BMP7: variants seen among roughly 807,000 people sequenced by gnomAD.
BMP7 encodes the protein bone morphogenetic protein 7.
BMP7 carries 12 observed loss-of-function variants against 41.2 expected under a neutral mutation model. The observed-to-expected ratio is 0.29, with a 90% CI of 0.19 to 0.47. BMP7 has a LOEUF of 0.47. Among genes scored for constraint, BMP7 ranks in the 20% least tolerant of loss-of-function variants. The probability of loss-of-function intolerance (pLI) is 0.99; values close to 1 mark genes in which losing one functional copy is unlikely to be tolerated. For synonymous variants in BMP7, 248 were observed against 250.0 expected, an observed-to-expected ratio of 0.99 and a Z score of 0.07; for missense variants, 467 against 606.0, an observed-to-expected ratio of 0.77 and a Z score of 2.41.
chr20:57,216,530 G>GGGGGCTGTCTCCTGAGGGCGA (rs1431973504), intron 2 of BMP7, among the ~76,000 whole-genome samples: 39 of 148,074 alleles, frequency 2.6e-4, no homozygotes, highest in Non-Finnish European at 4.7e-4. Context: ...CTGAGGGCGA[G>GGGGGCTGTCTCCTGAGGGCGA]GGGGCTGTCT....
chr20:57,184,305 C>T (rs1281429219), intron 3 of BMP7, among the ~76,000 whole-genome samples: 1 of 152,134 alleles, frequency 6.6e-6, no homozygotes, highest in Non-Finnish European at 1.5e-5. Flanking sequence ...AATCTTGCTC[C>T]GTGCCAGGGA....
intron 2 of BMP7, among the ~76,000 whole-genome samples, chr20:57,222,963 G>A (rs963607527): frequency 1.3e-5 from 2 of 151,924 alleles, no homozygotes; most frequent in Non-Finnish European, 2.9e-5. Flanking sequence ...TACACTTTGG[G>A]CTCAGTCTCA....
chr20:57,204,299 C>T (rs1984686934), intron 2 of BMP7, among the ~76,000 whole-genome samples: 2 of 152,238 alleles, frequency 1.3e-5, no homozygotes, highest in Admixed American at 1.3e-4. Flanking sequence ...TGCAGACAGC[C>T]ACCGCTATTT....
chr20:57,175,158 G>C, intron 4 of BMP7, 151 bp from the exon 5 acceptor site: 1 of 828,292 alleles, frequency 1.2e-6, no homozygotes, highest in Non-Finnish European at 2.0e-6. Flanking sequence ...GCCAGTTCGA[G>C]GGTCTAACTG....
At chr20:57,220,632 G>T (rs116555287) in intron 2 of BMP7, among the ~76,000 whole-genome samples, 1 of 152,074 alleles carries the variant, frequency 6.6e-6, no homozygotes, top group Non-Finnish European at 1.5e-5. Flanking sequence ...CCAGGCTGCC[G>T]CACACACGCT....
At chr20:57,201,450 G>A (rs1454719619) in intron 3 of BMP7, among the ~76,000 whole-genome samples, 1 of 152,102 alleles carries the variant, frequency 6.6e-6, no homozygotes, top group African/African-American at 2.4e-5. Context: ...TTATGGGAGA[G>A]GGGAAAAACA....
chr20:57,252,346 C>T (rs1391743367), intron 1 of BMP7, among the ~76,000 whole-genome samples: 1 of 152,212 alleles, frequency 6.6e-6, no homozygotes, highest in African/African-American at 2.4e-5. Flanking sequence ...AAGCAGGTCT[C>T]CCTGCTCCAA....
In BMP7 at chr20:57,215,200, C is replaced by T. The variant is rs1984983724; in HGVS notation, c.612-12577G>A. 6.6e-6 allele frequency among the ~76,000 whole-genome samples: 1 copy of T among 152,174 alleles called. No individual in the cohort carries two copies. Among genetic ancestry groups the T allele is most frequent in the South Asian group, 2.1e-4 (1 of 4,828 alleles). On this transcript the variant is annotated intron_variant, in intron 2 of 6. Coordinates refer to ENST00000395863, the MANE Select transcript of BMP7 (RefSeq NM_001719.3). This position sits in a 1 kb window ranked among gnomAD's most constrained non-coding sequence, Gnocchi z 4.2. ...CCTCCATACCCCCCACCTTCACAGG[C>T]CTGGCTATGGAACCAGGGGGCTGTC...
intron 1 of BMP7, among the ~76,000 whole-genome samples, chr20:57,258,889 A>C (rs2066143911): frequency 1.3e-5 from 2 of 152,236 alleles, no homozygotes; most frequent in African/African-American, 4.8e-5. Context: ...TCATCTGGCC[A>C]ACACAATAAA....
chr20:57,250,538 CAAA>C (rs57036984), intron 1 of BMP7, among the ~76,000 whole-genome samples: 36 of 89,516 alleles, frequency 4.0e-4, no homozygotes, highest in African/African-American at 8.9e-4. Flanking sequence ...GACTCTGACT[CAAA>C]AAAAAAAAAA....
At chr20:57,187,858 T>C (rs1984254056) in intron 3 of BMP7, among the ~76,000 whole-genome samples, 1 of 152,164 alleles carries the variant, frequency 6.6e-6, no homozygotes, top group African/African-American at 2.4e-5. Flanking sequence ...GGGAGCATGG[T>C]GCCAGCCATC....
At chr20:57,203,555 G>A (rs1034304191) in intron 2 of BMP7, among the ~76,000 whole-genome samples, 4 of 152,094 alleles carry the variant, frequency 2.6e-5, no homozygotes, top group African/African-American at 9.7e-5. Flanking sequence ...ATGGGTGGAT[G>A]GATGGATGAA....
At chr20:57,184,409 G>C (rs991257876) in intron 3 of BMP7, among the ~76,000 whole-genome samples, 1 of 152,180 alleles carries the variant, frequency 6.6e-6, no homozygotes, top group East Asian at 1.9e-4. Context: ...ATGGATGTTT[G>C]GGAAGAGTGC....
At chr20:57,205,158 T>TTTGC (rs1984702994) in intron 2 of BMP7, among the ~76,000 whole-genome samples, 2 of 152,050 alleles carry the variant, frequency 1.3e-5, no homozygotes, top group African/African-American at 4.8e-5. Context: ...TGTTTGTTTG[T>TTTGC]TTGTTTTTAA....
In BMP7 at chr20:57,265,626, AT is replaced by A. The variant is rs1288085790; in HGVS notation, c.418+78del. On this transcript the variant is annotated intron_variant, in intron 1 of 6. Transcript: ENST00000395863. ...AGGAGCGGAAAGCTGGGCGGGCTGCATAGAAGAAGCGGCTCCCTCCCTCCCA... is the reference window on the plus strand; with the variant it reads ...AGGAGCGGAAAGCTGGGCGGGCTGCAAGAAGAAGCGGCTCCCTCCCTCCCA... The A allele has an allele frequency of 1.9e-6, 3 of 1,539,150 alleles. No individual in the cohort carries two copies. In the African/African-American group the frequency reaches 4.1e-5, roughly 21 times the overall value.
rs138214508 is a variant in BMP7, at chr20:57,254,887, A to G, written c.418+10818T>C. On this transcript the variant is annotated intron_variant, in intron 1 of 6. Coordinates refer to ENST00000395863, the MANE Select transcript of BMP7 (RefSeq NM_001719.3). ...TTGAGGAATTGCTATTAAAATACCA[A>G]TCTCTGGCTGGCTATGGAATTTCCC... Among the ~76,000 whole-genome samples the G allele has an allele frequency of 9.7e-3, 1,474 of 152,288 alleles. 17 individuals carry two copies. The highest frequency in any genetic ancestry group is 0.033 in the African/African-American group (1,372 of 41,572).
At chr20:57,248,617 G>C (rs2066099258) in intron 1 of BMP7, among the ~76,000 whole-genome samples, 1 of 152,156 alleles carries the variant, frequency 6.6e-6, no homozygotes, top group Admixed American at 6.5e-5. Context: ...ATGGTGGTAG[G>C]GGGAGGTGGG....
chr20:57,179,499 C>A (rs1984022100), intron 4 of BMP7, among the ~76,000 whole-genome samples: 2 of 152,378 alleles, frequency 1.3e-5, no homozygotes, highest in African/African-American at 2.4e-5. Flanking sequence ...CAACCCCAAA[C>A]CGCACCATCT....
In BMP7 at chr20:57,265,927, G is replaced by A; in HGVS notation, c.196C>T (p.His66Tyr). The change falls in exon 1 of 7, where the codon CAC (histidine) becomes TAC (tyrosine). Residue 66 changes from histidine (H) to tyrosine (Y), a missense_variant. Transcript: ENST00000395863. ...CCCTGGAGGTGCGGGCGCGGGCGGT[G>A]GGGCAAGCCCAAAATGGAGAGGATC... The part of the protein sequence containing the change: ...REILSILGLP[H>Y]RPRPHLQGKH... 6.4e-7 allele frequency: 1 copy of A among 1,562,028 alleles called. No homozygotes were observed. Among genetic ancestry groups the A allele is most frequent in the Non-Finnish European group, 8.7e-7 (1 of 1,152,702 alleles).
Sources: allele counts gnomAD v4.1 joint callset (sites outside exome capture counted in the v4.1 genomes callset), GRCh38; gene constraint gnomAD v4.1.1; non-coding constraint Gnocchi (gnomAD v3.1); transcripts MANE v1.5; gene names NCBI Gene and HGNC (gene_info 2026-07-23, HGNC 2026-07-21).